Variants in SLC35F4 observed in about 807,000 individuals in gnomAD.
The protein encoded by SLC35F4 is chromosome 14 open reading frame 36.
SLC35F4 carries 24 observed loss-of-function variants against 44.2 expected under a neutral mutation model. That is an observed-to-expected ratio of 0.54 (90% CI 0.39 to 0.76). The LOEUF (loss-of-function observed/expected upper bound fraction) is 0.76, where lower values mean the gene tolerates loss of function less well. SLC35F4 is among the 30% of genes least tolerant of loss of function. SLC35F4 has a pLI of 0.00. For synonymous variants in SLC35F4, 238 were observed against 223.6 expected, an observed-to-expected ratio of 1.06 and a Z score of -0.57; for missense variants, 562 against 586.1, an observed-to-expected ratio of 0.96 and a Z score of 0.42.
intron 1 of SLC35F4, among the ~76,000 whole-genome samples, chr14:57,900,271 G>A (rs576688318): frequency 1.3e-5 from 2 of 152,336 alleles, no homozygotes; most frequent in East Asian, 1.9e-4. Flanking sequence ...TCTCCAGGCA[G>A]GAAAAGAAGG....
chr14:57,723,975 G>A (rs998343209), intron 1 of SLC35F4, among the ~76,000 whole-genome samples: 1 of 152,152 alleles, frequency 6.6e-6, no homozygotes, highest in African/African-American at 2.4e-5. Context: ...AAGAGGTGTG[G>A]GGCCTGTCGA....
intron 1 of SLC35F4, chr14:57,630,702 T>C (rs2072726419): frequency 1.0e-5 from 6 of 576,010 alleles, no homozygotes; most frequent in Non-Finnish European, 1.6e-5. Flanking sequence ...GTATAAACCA[T>C]GATCATTTTT....
At chr14:57,682,343 A>G (rs2140307320) in intron 1 of SLC35F4, among the ~76,000 whole-genome samples, 1 of 152,338 alleles carries the variant, frequency 6.6e-6, no homozygotes. Flanking sequence ...TATCCTTTGC[A>G]GGGACATGGA....
At chr14:57,861,636 G>A (rs964924470) in intron 1 of SLC35F4, among the ~76,000 whole-genome samples, 1 of 151,980 alleles carries the variant, frequency 6.6e-6, no homozygotes, top group Non-Finnish European at 1.5e-5. Context: ...CAACATTCTT[G>A]TCAAGATCAC....
intron 1 of SLC35F4, among the ~76,000 whole-genome samples, chr14:57,858,112 G>A (rs1196169702): frequency 6.6e-6 from 1 of 152,012 alleles, no homozygotes; most frequent in East Asian, 1.9e-4. Context: ...CATTGTGGGA[G>A]ACAGTGTGGT....
At chr14:57,577,520 G>C (rs73303819) in intron 4 of SLC35F4, among the ~76,000 whole-genome samples, 1 of 151,942 alleles carries the variant, frequency 6.6e-6, no homozygotes, top group Non-Finnish European at 1.5e-5. Context: ...TGAATGAATA[G>C]TATAAAAAAA....
At chr14:57,835,137 G>A (rs1159093084) in intron 1 of SLC35F4, among the ~76,000 whole-genome samples, 1 of 152,234 alleles carries the variant, frequency 6.6e-6, no homozygotes, top group African/African-American at 2.4e-5. Flanking sequence ...TAGAACCAGT[G>A]TTATTCACTG....
chr14:57,597,448 C>T (rs1046077585), intron 1 of SLC35F4, among the ~76,000 whole-genome samples: 5 of 152,204 alleles, frequency 3.3e-5, no homozygotes, highest in African/African-American at 1.2e-4. Context: ...AGTTATTAAG[C>T]ACCTATTATG....
At chr14:57,848,128 C>T (rs901082506) in intron 1 of SLC35F4, among the ~76,000 whole-genome samples, 20 of 152,098 alleles carry the variant, frequency 1.3e-4, no homozygotes, top group Non-Finnish European at 2.6e-4. Flanking sequence ...TAATTTACCA[C>T]GCAGAATTTC....
At chr14:57,564,480 T>G in intron 7 of SLC35F4, 104 bp from the exon 8 acceptor site, 1 of 1,438,190 alleles carries the variant, frequency 7.0e-7, no homozygotes. Context: ...AAGAGTCTTC[T>G]TTATTCTTCC....
At chr14:57,887,402 A>G (rs994613846) in intron 1 of SLC35F4, among the ~76,000 whole-genome samples, 1 of 152,198 alleles carries the variant, frequency 6.6e-6, no homozygotes, top group African/African-American at 2.4e-5. Flanking sequence ...TTCTACAGGT[A>G]ATACAGACTG....
At chr14:57,572,128 C>T in intron 4 of SLC35F4, 109 bp from the exon 5 acceptor site, 1 of 1,266,408 alleles carries the variant, frequency 7.9e-7, no homozygotes, top group Non-Finnish European at 1.1e-6. Context: ...AACCTAATTA[C>T]CTTTTGTACA....
intron 1 of SLC35F4, among the ~76,000 whole-genome samples, chr14:57,863,755 G>A (rs541012145): frequency 4.6e-5 from 7 of 152,172 alleles, no homozygotes; most frequent in South Asian, 2.1e-4. Context: ...CTCTACTTCC[G>A]AAAGCATGAG....
At chr14:57,973,810 T>C (rs1566521957), downstream of SLC35F4, among the ~76,000 whole-genome samples, 2 of 152,126 alleles carry the variant, frequency 1.3e-5, no homozygotes, top group Non-Finnish European at 2.9e-5. Context: ...TCTCTTCTTA[T>C]TTGCCACAAA....
chr14:57,825,664 CAA>C (rs1211551444), intron 1 of SLC35F4, among the ~76,000 whole-genome samples: 3 of 152,314 alleles, frequency 2.0e-5, no homozygotes, highest in South Asian at 2.1e-4. Flanking sequence ...GCAAATTCAA[CAA>C]AGTCTCAGGA....
At chr14:57,902,776 C>G (rs946824953) in intron 1 of SLC35F4, among the ~76,000 whole-genome samples, 3 of 152,088 alleles carry the variant, frequency 2.0e-5, no homozygotes, top group Non-Finnish European at 2.9e-5. Context: ...CTGCTGTAAT[C>G]CCCTACTTAC....
Position 57,590,226 on chromosome 14 carries a change from C to CAAAAAAAAAAAAAAAAAAAAAAAAAAAAA in SLC35F4, c.290-714_290-713insTTTTTTTTTTTTTTTTTTTTTTTTTTTTT, listed in dbSNP as rs55850524. Among the ~76,000 whole-genome samples the CAAAAAAAAAAAAAAAAAAAAAAAAAAAAA allele has an allele frequency of 8.5e-4, 101 of 119,108 alleles. 1 individual carries two copies. Among genetic ancestry groups the CAAAAAAAAAAAAAAAAAAAAAAAAAAAAA allele is most frequent in the Middle Eastern group, 4.2e-3 (1 of 238 alleles). 78.1% of individuals were successfully genotyped at this position (119,108 alleles called of 152,430 possible). ...CCAAGAAAGAGAGACCTTGTCTATG[C>CAAAAAAAAAAAAAAAAAAAAAAAAAAAAA]AAAAAAAAAAAAAAAAATTAGCCGT... On this transcript the variant is annotated intron_variant, in intron 2 of 7. Coordinates refer to ENST00000556826, the MANE Select transcript of SLC35F4 (RefSeq NM_001306087.2).
intron 4 of SLC35F4, among the ~76,000 whole-genome samples, chr14:57,577,204 G>C (rs1393778637): frequency 6.6e-6 from 1 of 152,166 alleles, no homozygotes; most frequent in Non-Finnish European, 1.5e-5. Context: ...CCAATGTACT[G>C]TTTTAGCCTT....
intron 1 of SLC35F4, among the ~76,000 whole-genome samples, chr14:57,790,792 G>T (rs1480749707): frequency 6.6e-6 from 1 of 152,036 alleles, no homozygotes; most frequent in Non-Finnish European, 1.5e-5. Flanking sequence ...ATGTCATATA[G>T]ACCAATGGAA....
Sources: gnomAD v4.1 joint callset for allele counts (sites outside exome capture counted in the v4.1 genomes callset) on GRCh38, gnomAD v4.1.1 for gene constraint, MANE v1.5 for transcripts, NCBI Gene and HGNC (gene_info 2026-07-23, HGNC 2026-07-21) for gene names.